Variants in SUCLG2 observed in about 807,000 individuals in gnomAD.
SUCLG2 encodes the protein succinate-CoA ligase GDP-forming subunit beta, also known as succinate--CoA ligase [GDP-forming] subunit beta, mitochondrial.
SUCLG2 carries 42 observed loss-of-function variants against 47.9 expected under a neutral mutation model. That is an observed-to-expected ratio of 0.88 (90% CI 0.69 to 1.14). The LOEUF (loss-of-function observed/expected upper bound fraction) is 1.14, where lower values mean the gene tolerates loss of function less well. Among genes scored for constraint, SUCLG2 ranks in the 50% most tolerant of loss-of-function variants. The probability of loss-of-function intolerance (pLI) is 0.00; values close to 1 mark genes in which losing one functional copy is unlikely to be tolerated. For synonymous variants in SUCLG2, 195 were observed against 197.3 expected, an observed-to-expected ratio of 0.99 and a Z score of 0.10; for missense variants, 571 against 525.9, an observed-to-expected ratio of 1.09 and a Z score of -0.84.
At chr3:67,419,329 C>G (rs912119797) in intron 9 of SUCLG2, among the ~76,000 whole-genome samples, 1 of 152,150 alleles carries the variant, frequency 6.6e-6, no homozygotes, top group Non-Finnish European at 1.5e-5. Context: ...ATTTTCTACT[C>G]CTTTGAACTT....
At chr3:67,534,985 T>C (rs1706501810) in intron 2 of SUCLG2, among the ~76,000 whole-genome samples, 1 of 152,054 alleles carries the variant, frequency 6.6e-6, no homozygotes, top group African/African-American at 2.4e-5. Context: ...ACTGATTAAT[T>C]ACAGGACAAA....
chr3:67,453,999 A>T (rs573294895), intron 9 of SUCLG2, among the ~76,000 whole-genome samples: 46 of 152,284 alleles, frequency 3.0e-4, no homozygotes, highest in African/African-American at 1.1e-3. Context: ...ATTACTGCCT[A>T]TTGTTCTTAC....
chr3:67,643,549 T>C (rs1701140370), intron 1 of SUCLG2, among the ~76,000 whole-genome samples: 1 of 152,210 alleles, frequency 6.6e-6, no homozygotes, highest in African/African-American at 2.4e-5. Context: ...CATTCAGTGC[T>C]GGAATGGGTA....
chr3:67,526,901 T>C (rs979226480), intron 4 of SUCLG2, among the ~76,000 whole-genome samples: 3 of 152,192 alleles, frequency 2.0e-5, no homozygotes, highest in Admixed American at 1.3e-4. Context: ...TGGCTTTATT[T>C]GTAATAGCCA....
At chr3:67,486,473 AAC>A (rs761461266) in intron 9 of SUCLG2, among the ~76,000 whole-genome samples, 12 of 152,200 alleles carry the variant, frequency 7.9e-5, no homozygotes, top group Non-Finnish European at 1.5e-4. Flanking sequence ...TTAGCGGAAA[AAC>A]ACAGTTACAT....
At chr3:67,548,328 G>A (rs1224075499) in intron 2 of SUCLG2, among the ~76,000 whole-genome samples, 1 of 151,770 alleles carries the variant, frequency 6.6e-6, no homozygotes, top group East Asian at 1.9e-4. Flanking sequence ...CAAATGACTA[G>A]TAAATATCCA....
At chr3:67,515,854 G>A (rs1029291888) in intron 6 of SUCLG2, among the ~76,000 whole-genome samples, 3 of 152,228 alleles carry the variant, frequency 2.0e-5, no homozygotes, top group African/African-American at 7.2e-5. Flanking sequence ...GGGATCCCAA[G>A]CCATATATCC....
At chr3:67,419,556 C>T (rs181863099) in intron 9 of SUCLG2, among the ~76,000 whole-genome samples, 4 of 152,210 alleles carry the variant, frequency 2.6e-5, no homozygotes, top group Non-Finnish European at 5.9e-5. Flanking sequence ...ACAATTTAAA[C>T]TCAAATCTTA....
downstream of SUCLG2, among the ~76,000 whole-genome samples, chr3:67,374,113 G>A (rs11719132): frequency 0.51 from 77,235 of 151,974 alleles, 19,774 homozygotes; most frequent in Middle Eastern, 0.6. Flanking sequence ...CATAATATAG[G>A]TTATTTTTTT....
chr3:67,443,964 G>A (rs1418120578), intron 9 of SUCLG2, among the ~76,000 whole-genome samples: 6 of 119,168 alleles, frequency 5.0e-5, no homozygotes, highest in African/African-American at 1.7e-4. Context: ...GGAGGTGGGG[G>A]GGGGTCAGCC....
chr3:67,422,077 T>A (rs1175209602), intron 9 of SUCLG2, among the ~76,000 whole-genome samples: 2 of 152,184 alleles, frequency 1.3e-5, no homozygotes, highest in African/African-American at 4.8e-5. Flanking sequence ...TGAATGGCTG[T>A]CAGCCCTACC....
intron 9 of SUCLG2, among the ~76,000 whole-genome samples, chr3:67,422,531 C>T (rs569683585): frequency 3.1e-5 from 4 of 129,044 alleles, no homozygotes; most frequent in Non-Finnish European, 4.8e-5. Flanking sequence ...TTACTAAGAT[C>T]TTACAATATG....
chr3:67,483,569 G>A (rs929684345), intron 9 of SUCLG2, among the ~76,000 whole-genome samples: 2 of 152,124 alleles, frequency 1.3e-5, no homozygotes, highest in Admixed American at 6.6e-5. Context: ...CAGTGTAAAC[G>A]ATTTTCTATC....
intron 1 of SUCLG2, among the ~76,000 whole-genome samples, chr3:67,637,444 T>C (rs889974392): frequency 3.3e-5 from 5 of 152,192 alleles, no homozygotes; most frequent in African/African-American, 9.7e-5. Context: ...ACAGTCTGTC[T>C]CAGGAAAATT....
chr3:67,468,459 G>A (rs956026270), intron 9 of SUCLG2, among the ~76,000 whole-genome samples: 2 of 152,112 alleles, frequency 1.3e-5, no homozygotes, highest in South Asian at 2.1e-4. Flanking sequence ...TGGCAGAAAT[G>A]GCACACTGTC....
chr3:67,583,482 G>A (rs1182910536), intron 2 of SUCLG2, among the ~76,000 whole-genome samples: 1 of 152,184 alleles, frequency 6.6e-6, no homozygotes, highest in Non-Finnish European at 1.5e-5. Flanking sequence ...GGATCTACCT[G>A]TTTTAGTTTA....
chr3:67,495,128 T>C lies in SUCLG2; in HGVS notation c.1062+670A>G, dbSNP rs555861292. On this transcript the variant is annotated intron_variant, in intron 9 of 10. Coordinates refer to ENST00000307227, the MANE Select transcript of SUCLG2 (RefSeq NM_003848.4). ...CCAATATATGGTAATACCTTCAGCA[T>C]CTTTATGGAAGGAATCATAGTACTC... 2.6e-5 allele frequency among the ~76,000 whole-genome samples: 4 copies of C among 152,338 alleles called. No individual in the cohort carries two copies. In the East Asian group the frequency reaches 7.7e-4, roughly 29 times the overall value.
chr3:67,611,938 C>A (rs1009585893), intron 1 of SUCLG2, among the ~76,000 whole-genome samples: 1 of 152,024 alleles, frequency 6.6e-6, no homozygotes, highest in Non-Finnish European at 1.5e-5. Flanking sequence ...ACTGATGACA[C>A]CCGGCTATCA....
At chr3:67,436,144 C>G (rs2106898640) in intron 9 of SUCLG2, among the ~76,000 whole-genome samples, 1 of 152,162 alleles carries the variant, frequency 6.6e-6, no homozygotes, top group East Asian at 1.9e-4. Context: ...ATTTTAAGAA[C>G]CAAAGGCTCA....
Sources: gnomAD v4.1 joint callset for allele counts (sites outside exome capture counted in the v4.1 genomes callset) on GRCh38, gnomAD v4.1.1 for gene constraint, MANE v1.5 for transcripts, NCBI Gene and HGNC (gene_info 2026-07-23, HGNC 2026-07-21) for gene names.